The following PRMT8 variants were observed in gnomAD, a reference collection of about 807,000 sequenced individuals.
PRMT8 encodes the protein protein arginine N-methyltransferase 8.
A neutral mutation model predicts 47.1 loss-of-function variants in PRMT8; 7 were observed. That is an observed-to-expected ratio of 0.15 (90% CI 0.08 to 0.28). The LOEUF (loss-of-function observed/expected upper bound fraction) is 0.28, where lower values mean the gene tolerates loss of function less well. Ranked by LOEUF, PRMT8 falls within the 10% of genes least tolerant of loss-of-function variation. PRMT8 has a pLI of 1.00. For missense variants in PRMT8, 237 were observed against 505.4 expected (o/e 0.47, Z 5.09); for synonymous variants, 188 against 186.5 (o/e 1.01, Z -0.07).
At chr12:3,417,836 C>T (rs774536928) in intron 1 of PRMT8, among the ~76,000 whole-genome samples, 4 of 152,198 alleles carry the variant, frequency 2.6e-5, no homozygotes, top group African/African-American at 7.2e-5. Context: ...CTTGTTTTGC[C>T]TTGAGAGTGA....
chr12:3,589,685 C>T (rs1353686340), intron 8 of PRMT8, among the ~76,000 whole-genome samples: 3 of 152,262 alleles, frequency 2.0e-5, no homozygotes, highest in South Asian at 2.1e-4. Flanking sequence ...ATCATGGAAA[C>T]GAGATGTTTA....
intron 1 of PRMT8, among the ~76,000 whole-genome samples, chr12:3,451,038 C>CCT: frequency 7.3e-5 from 1 of 13,752 alleles, no homozygotes; most frequent in Non-Finnish European, 4.1e-4. Flanking sequence ...CTGACACCCC[C>CCT]CCCCCCCCCC....
chr12:3,532,419 G>C (rs563460805), intron 1 of PRMT8, among the ~76,000 whole-genome samples: 16 of 150,246 alleles, frequency 1.1e-4, no homozygotes, highest in African/African-American at 3.9e-4. Context: ...AGACCAGCCT[G>C]GCCAACATGG....
intron 6 of PRMT8, among the ~76,000 whole-genome samples, chr12:3,571,703 C>T (rs945012384): frequency 6.6e-6 from 1 of 152,088 alleles, no homozygotes; most frequent in Non-Finnish European, 1.5e-5. Flanking sequence ...ACCTCCTCCC[C>T]ACCCCAAAAG....
chr12:3,496,346 A>G (rs1207429447), intron 1 of PRMT8, among the ~76,000 whole-genome samples: 2 of 147,836 alleles, frequency 1.4e-5, no homozygotes, highest in Non-Finnish European at 3.0e-5. Flanking sequence ...TTATGGGGAT[A>G]ACTGAGCTGA....
intron 1 of PRMT8, among the ~76,000 whole-genome samples, chr12:3,450,089 T>A (rs1223732143): frequency 6.6e-6 from 1 of 152,232 alleles, no homozygotes; most frequent in African/African-American, 2.4e-5. Context: ...GATGGTGAAA[T>A]TACAGCCTTA....
Position 3,514,295 on chromosome 12 carries a change from A to G in PRMT8, c.75+22595A>G, listed in dbSNP as rs1311994961. ...CACTTCTGGTTCCTCTGAGGTTGGT[A>G]TCCGGTTGGCTCAGTGTCAGAGCCC... On this transcript the variant is annotated intron_variant, in intron 1 of 9. Transcript: ENST00000382622. This position sits in a 1 kb window ranked among gnomAD's most constrained non-coding sequence, Gnocchi z 5.9. Among the ~76,000 whole-genome samples the G allele has an allele frequency of 3.3e-5, 5 of 149,614 alleles. No individual in the cohort carries two copies. Among genetic ancestry groups the G allele is most frequent in the African/African-American group, 2.5e-5 (1 of 40,234 alleles).
At chr12:3,591,754 G>A (rs1233456066) in intron 8 of PRMT8, among the ~76,000 whole-genome samples, 1 of 152,164 alleles carries the variant, frequency 6.6e-6, no homozygotes, top group Non-Finnish European at 1.5e-5. Flanking sequence ...TGGATCTGGG[G>A]AAACTGGTTT....
intron 1 of PRMT8, among the ~76,000 whole-genome samples, chr12:3,383,346 A>G (rs1864109502): frequency 6.6e-6 from 1 of 152,256 alleles, no homozygotes; most frequent in Non-Finnish European, 1.5e-5. Flanking sequence ...CTTCTAAACC[A>G]TGAACGCAAT....
intron 1 of PRMT8, among the ~76,000 whole-genome samples, chr12:3,517,602 C>T (rs745871749): frequency 7.9e-5 from 12 of 152,030 alleles, no homozygotes; most frequent in African/African-American, 1.2e-4. Flanking sequence ...CTCCGGTAAG[C>T]GGGGCTGAGT....
chr12:3,507,364 G>A (rs1030468854), intron 1 of PRMT8, among the ~76,000 whole-genome samples: 4 of 151,972 alleles, frequency 2.6e-5, no homozygotes, highest in Non-Finnish European at 4.4e-5. Flanking sequence ...CTCGTGATCC[G>A]CCCGCCTCGG....
At chr12:3,575,506 G>A (rs775780003) in intron 6 of PRMT8, among the ~76,000 whole-genome samples, 35 of 152,226 alleles carry the variant, frequency 2.3e-4, no homozygotes, top group Non-Finnish European at 3.4e-4. Context: ...TTGCTGTCAC[G>A]GCTGGGCCAT....
At chr12:3,419,812 C>A (rs943478947) in intron 1 of PRMT8, among the ~76,000 whole-genome samples, 1 of 151,926 alleles carries the variant, frequency 6.6e-6, no homozygotes, top group African/African-American at 2.4e-5. Flanking sequence ...GGCTCGCATC[C>A]TTTCTCCTGG....
upstream of PRMT8, among the ~76,000 whole-genome samples, chr12:3,490,703 GAGAGAGAGAGAGAGAGAA>G (rs1253074635): frequency 3.5e-5 from 5 of 144,460 alleles, no homozygotes; most frequent in African/African-American, 1.4e-4. Flanking sequence ...GAGAGAGAGA[GAGAGAGAGAGAGAGAGAA>G]AAGGATAAAG....
intron 1 of PRMT8, among the ~76,000 whole-genome samples, chr12:3,444,957 C>G (rs1331156334): frequency 6.6e-6 from 1 of 152,232 alleles, no homozygotes; most frequent in Non-Finnish European, 1.5e-5. Context: ...CTGTGATCCC[C>G]TCGTTCCCTT....
At chr12:3,469,969 A>G (rs184361828) in intron 1 of PRMT8, among the ~76,000 whole-genome samples, 22 of 152,326 alleles carry the variant, frequency 1.4e-4, no homozygotes, top group African/African-American at 5.1e-4. Flanking sequence ...GAGGACTGAG[A>G]CGTGGTCCCT....
At chr12:3,435,873 C>T (rs2137071125) in intron 1 of PRMT8, among the ~76,000 whole-genome samples, 1 of 152,260 alleles carries the variant, frequency 6.6e-6, no homozygotes, top group Non-Finnish European at 1.5e-5. Flanking sequence ...CTTGTGGGTC[C>T]TTTCCTAGTC....
chr12:3,447,045 C>T (rs1214086659), intron 1 of PRMT8, among the ~76,000 whole-genome samples: 1 of 152,172 alleles, frequency 6.6e-6, no homozygotes, highest in Admixed American at 6.5e-5. Context: ...GGCTTTCCTC[C>T]TCCTCCCTTA....
At chr12:3,541,081 C>T (rs1866220445) in intron 2 of PRMT8, among the ~76,000 whole-genome samples, 2 of 152,320 alleles carry the variant, frequency 1.3e-5, no homozygotes, top group Non-Finnish European at 2.9e-5. Context: ...CGTGTCTCTC[C>T]CCAGCCATAA....
Sources: allele counts gnomAD v4.1 joint callset (sites outside exome capture counted in the v4.1 genomes callset), GRCh38; gene constraint gnomAD v4.1.1; non-coding constraint Gnocchi (gnomAD v3.1); transcripts MANE v1.5; gene names NCBI Gene and HGNC (gene_info 2026-07-23, HGNC 2026-07-21).